Variants in RALGPS1 observed in about 807,000 individuals in gnomAD.
RALGPS1 encodes ras-specific guanine nucleotide-releasing factor RalGPS1.
RALGPS1 carries 19 observed loss-of-function variants against 78.8 expected under a neutral mutation model. The ratio of observed to expected loss-of-function variants is 0.24; its 90% CI spans 0.17 to 0.35. RALGPS1 has a LOEUF of 0.35. Among genes scored for constraint, RALGPS1 ranks in the 10% least tolerant of loss-of-function variants. The pLI is 1.00. For synonymous variants in RALGPS1, 228 were observed against 256.3 expected (o/e 0.89, Z 1.06); for missense variants, 454 against 688.3 (o/e 0.66, Z 3.81).
intron 1 of RALGPS1, among the ~76,000 whole-genome samples, chr9:126,918,180 TCAA>T (rs1374382392): frequency 2.6e-5 from 4 of 152,212 alleles, no homozygotes; most frequent in African/African-American, 9.7e-5. Flanking sequence ...TTAGTGAACT[TCAA>T]CATAAAAGAC....
At chr9:127,184,968 C>T (rs917876360) in intron 11 of RALGPS1, among the ~76,000 whole-genome samples, 4 of 152,180 alleles carry the variant, frequency 2.6e-5, no homozygotes, top group South Asian at 2.1e-4. Context: ...GCCGGAAATC[C>T]GTGGGAACGA....
At chr9:127,118,148 G>A (rs1426520450) in intron 8 of RALGPS1, among the ~76,000 whole-genome samples, 10 of 152,140 alleles carry the variant, frequency 6.6e-5, no homozygotes, top group African/African-American at 2.2e-4. Context: ...TCCGCCTCCC[G>A]GGTTCAAGGG....
intron 8 of RALGPS1, among the ~76,000 whole-genome samples, chr9:127,125,899 A>T (rs919973383): frequency 2.1e-4 from 32 of 152,324 alleles, no homozygotes; most frequent in African/African-American, 7.0e-4. Flanking sequence ...CACAATTCGT[A>T]AGAATGATTT....
chr9:127,133,201 G>GGGA (rs2057129625), intron 8 of RALGPS1, among the ~76,000 whole-genome samples: 2 of 152,230 alleles, frequency 1.3e-5, no homozygotes, highest in South Asian at 4.1e-4. Flanking sequence ...GGGAGGGAAT[G>GGGA]GGAGGAGGAG....
chr9:126,954,695 G>A (rs751013139), intron 1 of RALGPS1, among the ~76,000 whole-genome samples: 1 of 152,196 alleles, frequency 6.6e-6, no homozygotes, highest in Non-Finnish European at 1.5e-5. Context: ...CCAGCTATTC[G>A]AGGGGCTGAG....
Position 127,211,994 on chromosome 9 carries a change from C to T in RALGPS1, c.1248-137C>T. On this transcript the variant is annotated intron_variant, in intron 14 of 18. Coordinates refer to ENST00000259351, the MANE Select transcript of RALGPS1 (RefSeq NM_014636.3). The surrounding 1 kb of genome is among the most constrained non-coding windows in gnomAD (Gnocchi z 5.0). ...TTATCACCTGGCCCTCCCCTCCGGG[C>T]CTTGCTCTGCGCCGTTAAGTCTGGA... 1 of 645,588 alleles carries T rather than the reference C, an allele frequency of 1.5e-6. No homozygotes were observed. Among genetic ancestry groups the T allele is most frequent in the Non-Finnish European group, 2.6e-6 (1 of 387,464 alleles). The allele number at this position is 645,588 out of a possible 1,614,324, so 40.0% of individuals were successfully genotyped here. A position where few individuals can be genotyped will look rare whatever the true frequency, so the allele number is the denominator to read the frequency against.
intron 10 of RALGPS1, among the ~76,000 whole-genome samples, chr9:127,171,592 C>T (rs979765566): frequency 2.0e-5 from 3 of 152,178 alleles, no homozygotes; most frequent in Admixed American, 6.6e-5. Context: ...AGCCCCGTCT[C>T]TACTAAAAAT....
At chr9:126,998,911 C>T (rs1487870093) in intron 4 of RALGPS1, among the ~76,000 whole-genome samples, 7 of 149,994 alleles carry the variant, frequency 4.7e-5, no homozygotes, top group Admixed American at 6.7e-5. Context: ...AGCAAACTAT[C>T]GCAAGGACAA....
intron 8 of RALGPS1, among the ~76,000 whole-genome samples, chr9:127,129,055 T>G (rs1564633079): frequency 6.6e-6 from 1 of 152,276 alleles, no homozygotes. Context: ...AATATTCGTT[T>G]TAAGCTCCAT....
chr9:127,110,326 C>CTT (rs557261572), intron 8 of RALGPS1, among the ~76,000 whole-genome samples: 118 of 152,310 alleles, frequency 7.7e-4, no homozygotes, highest in African/African-American at 2.7e-3. Flanking sequence ...CCTTCTTGAC[C>CTT]TTCCTTTCCA....
chr9:127,059,916 A>G (rs1435483124), intron 7 of RALGPS1, among the ~76,000 whole-genome samples: 1 of 152,152 alleles, frequency 6.6e-6, no homozygotes, highest in Non-Finnish European at 1.5e-5. Context: ...TGCTTCAAAC[A>G]CACAAACACA....
At chr9:127,000,715 AT>A (rs937867360) in intron 4 of RALGPS1, among the ~76,000 whole-genome samples, 29 of 144,840 alleles carry the variant, frequency 2.0e-4, no homozygotes, top group African/African-American at 4.3e-4. Flanking sequence ...CCTCTGGCTA[AT>A]TTTTTTTTTG....
At chr9:127,178,083 G>T in intron 11 of RALGPS1, 1 of 1,316,036 alleles carries the variant, frequency 7.6e-7, no homozygotes, top group South Asian at 1.3e-5. Context: ...AAGGGCATGG[G>T]GAAGAAGTGT....
Position 126,925,923 on chromosome 9 carries a change from C to T in RALGPS1, c.-66+10948C>T, listed in dbSNP as rs534760600. ...GCTGGGGAAGGAGCATGGAGGACTC[C>T]AGATGTACTGGGGAGCCAGCATGGC... On this transcript the variant is annotated intron_variant, in intron 1 of 18. Transcript: ENST00000259351. Among the ~76,000 whole-genome samples, 76 of 152,300 alleles carry T rather than the reference C, an allele frequency of 5.0e-4. 1 individual carries two copies. The highest frequency in any genetic ancestry group is 1.7e-3 in the South Asian group (8 of 4,816).
chr9:127,178,445 A>T (rs2060013301), intron 11 of RALGPS1: 2 of 1,041,182 alleles, frequency 1.9e-6, no homozygotes, highest in South Asian at 7.4e-5. Context: ...TGTTGTTATT[A>T]GCACAGTGCG....
chr9:127,071,291 G>C (rs1049596529), intron 8 of RALGPS1, among the ~76,000 whole-genome samples: 2 of 151,838 alleles, frequency 1.3e-5, no homozygotes, highest in African/African-American at 4.8e-5. Context: ...CTGTCTTTCT[G>C]CTTTTTAGTT....
intron 4 of RALGPS1, among the ~76,000 whole-genome samples, chr9:127,005,243 G>A (rs1364748349): frequency 6.6e-6 from 1 of 152,182 alleles, no homozygotes; most frequent in Non-Finnish European, 1.5e-5. Context: ...ATCTGTACCT[G>A]CATGTTGTCA....
intron 4 of RALGPS1, among the ~76,000 whole-genome samples, chr9:126,991,731 A>G (rs1305247166): frequency 6.6e-6 from 1 of 152,188 alleles, no homozygotes; most frequent in African/African-American, 2.4e-5. Context: ...TTCTCTGTAA[A>G]GTGGAAATGA....
chr9:126,954,930 G>T (rs750040620), intron 1 of RALGPS1, among the ~76,000 whole-genome samples: 1 of 152,176 alleles, frequency 6.6e-6, no homozygotes, highest in Non-Finnish European at 1.5e-5. Context: ...GCTTCCAGGT[G>T]ACTCAGCTCC....
Sources: allele counts gnomAD v4.1 joint callset (sites outside exome capture counted in the v4.1 genomes callset), GRCh38; gene constraint gnomAD v4.1.1; non-coding constraint Gnocchi (gnomAD v3.1); transcripts MANE v1.5; gene names NCBI Gene and HGNC (gene_info 2026-07-23, HGNC 2026-07-21).